The following NT5DC1 variants were observed in gnomAD, a reference collection of about 807,000 sequenced individuals.
NT5DC1 encodes 5'-nucleotidase domain-containing protein 1.
Under a neutral mutation model 59.4 loss-of-function variants are expected in NT5DC1, and 42 were observed. That is an observed-to-expected ratio of 0.71 (90% confidence interval 0.55 to 0.92). NT5DC1 has a LOEUF of 0.92. Among genes scored for constraint, NT5DC1 ranks in the 40% least tolerant of loss-of-function variants. NT5DC1 has a pLI of 0.00. For synonymous variants in NT5DC1, 172 were observed against 188.1 expected (o/e 0.91, Z 0.70); for missense variants, 501 against 537.1 (o/e 0.93, Z 0.66).
chr6:116,225,491 G>A (rs183078056), intron 8 of NT5DC1, among the ~76,000 whole-genome samples: 14 of 152,288 alleles, frequency 9.2e-5, no homozygotes, highest in Admixed American at 2.0e-4. Flanking sequence ...AGTAGAATAC[G>A]TGTTCAGAAG....
At chr6:116,164,469 G>C (rs1291575773) in intron 6 of NT5DC1, among the ~76,000 whole-genome samples, 1 of 152,022 alleles carries the variant, frequency 6.6e-6, no homozygotes, top group Non-Finnish European at 1.5e-5. Context: ...CTTTGAGCTT[G>C]TGTATGTCTT....
chr6:116,192,791 T>C (rs1204834), intron 6 of NT5DC1, among the ~76,000 whole-genome samples: 1 of 151,776 alleles, frequency 6.6e-6, no homozygotes, highest in East Asian at 1.9e-4. Context: ...TCTATTACGA[T>C]TTCCTCCTGG....
At chr6:116,141,732 A>G (rs1779767094) in intron 6 of NT5DC1, among the ~76,000 whole-genome samples, 1 of 151,608 alleles carries the variant, frequency 6.6e-6, no homozygotes, top group African/African-American at 2.4e-5. Flanking sequence ...TTATGTGATA[A>G]TAACTAGTGC....
intron 9 of NT5DC1, 53 bp downstream of exon 9, chr6:116,237,137 T>A (rs1053046496): frequency 2.1e-6 from 2 of 961,392 alleles, no homozygotes. Flanking sequence ...ACATAAGCAG[T>A]TGTGAACTGC....
intron 6 of NT5DC1, among the ~76,000 whole-genome samples, chr6:116,124,530 A>G (rs183072254): frequency 3.0e-4 from 45 of 152,356 alleles, no homozygotes; most frequent in Non-Finnish European, 5.4e-4. Flanking sequence ...ATTGAAGGCT[A>G]TATTAGTAGC....
chr6:116,119,666 A>G (rs1779045832), intron 6 of NT5DC1: 1 of 179,376 alleles, frequency 5.6e-6, no homozygotes, highest in Non-Finnish European at 1.2e-5. Context: ...TCATATTCAT[A>G]GTTAGAAACA....
At chr6:116,191,955 G>T (rs551854487) in intron 6 of NT5DC1, among the ~76,000 whole-genome samples, 2 of 151,964 alleles carry the variant, frequency 1.3e-5, no homozygotes, top group Admixed American at 6.6e-5. Flanking sequence ...TGATTTTTTG[G>T]ACAGAACAAA....
chr6:116,200,496 G>A (rs1781325279), intron 6 of NT5DC1, among the ~76,000 whole-genome samples: 1 of 151,894 alleles, frequency 6.6e-6, no homozygotes, highest in Admixed American at 6.6e-5. Flanking sequence ...GAGGTGTATG[G>A]GAACTCTGGA....
At chr6:116,202,197 A>G (rs554524915) in intron 6 of NT5DC1, among the ~76,000 whole-genome samples, 160 of 152,140 alleles carry the variant, frequency 1.1e-3, no homozygotes, top group African/African-American at 3.7e-3. Context: ...CATGTGATGC[A>G]GGCTCCCCTA....
chr6:116,159,148 G>A (rs751325622), intron 6 of NT5DC1, among the ~76,000 whole-genome samples: 1 of 151,914 alleles, frequency 6.6e-6, no homozygotes, highest in Non-Finnish European at 1.5e-5. Flanking sequence ...CATTGCTCTG[G>A]GATCAATGTT....
chr6:116,207,781 GTC>G (rs1164456191), intron 6 of NT5DC1, among the ~76,000 whole-genome samples: 4 of 151,926 alleles, frequency 2.6e-5, no homozygotes, highest in Admixed American at 2.6e-4. Context: ...TTCTACCTGA[GTC>G]TCTGCCCACT....
At chr6:116,107,715 G>GGCGCCCGCCACT (rs1379071102) in intron 2 of NT5DC1, among the ~76,000 whole-genome samples, 9 of 151,508 alleles carry the variant, frequency 5.9e-5, no homozygotes, top group Non-Finnish European at 1.2e-4. Flanking sequence ...TGGGACTACA[G>GGCGCCCGCCACT]GCGCCCGCCA....
chr6:116,227,713 A>C (rs1338946607), intron 8 of NT5DC1, among the ~76,000 whole-genome samples: 1 of 151,764 alleles, frequency 6.6e-6, no homozygotes, highest in African/African-American at 2.4e-5. Flanking sequence ...CCCAATGCTT[A>C]GTGATGTTGA....
At position 116,185,130 on chromosome 6, in the gene NT5DC1, T is replaced by C. The variant is rs947030947; in HGVS notation, c.530-35924T>C. Among the ~76,000 whole-genome samples the C allele has an allele frequency of 8.4e-4, 128 of 152,144 alleles. 4 individuals are homozygous for C. Among genetic ancestry groups the C allele is most frequent in the Admixed American group, 8.3e-3 (126 of 15,256 alleles). Reference sequence around the variant, plus strand: ...GAGTTCATTGTTGATCCAAAGATCATTCAGGAGCAAGTTATTTAATTTCCA... The same window carrying C: ...GAGTTCATTGTTGATCCAAAGATCACTCAGGAGCAAGTTATTTAATTTCCA... On this transcript the variant is annotated intron_variant, in intron 6 of 11. Transcript: ENST00000319550.
rs536138606 is a variant in NT5DC1, at chr6:116,197,457, A to T, written c.530-23597A>T. ...ACTGGGAAGAATCTTCCCGGTCAAG[A>T]ATCAACATTCTTGACCTTCACCACC... On this transcript the variant is annotated intron_variant, in intron 6 of 11. Transcript: ENST00000319550. Among the ~76,000 whole-genome samples, 3 of 152,156 alleles carry T rather than the reference A, an allele frequency of 2.0e-5. No individual in the cohort carries two copies. In the East Asian group the frequency reaches 5.8e-4, roughly 30 times the overall value.
intron 6 of NT5DC1, among the ~76,000 whole-genome samples, chr6:116,143,192 T>G (rs1779808634): frequency 6.6e-6 from 1 of 152,058 alleles, no homozygotes. Flanking sequence ...GAGATAGTAC[T>G]ACATTTTCTC....
At chr6:116,111,065 C>T in intron 4 of NT5DC1, 109 bp downstream of exon 4, 4 of 701,992 alleles carry the variant, frequency 5.7e-6, no homozygotes, top group Non-Finnish European at 9.8e-6. Flanking sequence ...GGGCAGGATG[C>T]CAAAGGGAGC....
intron 6 of NT5DC1, among the ~76,000 whole-genome samples, chr6:116,173,867 T>G (rs1471037509): frequency 6.6e-6 from 1 of 152,146 alleles, no homozygotes; most frequent in Non-Finnish European, 1.5e-5. Flanking sequence ...AAGACTTCAT[T>G]TAGCTTCTAC....
In NT5DC1 at chr6:116,115,715, A is replaced by G. The variant is rs759189573; in HGVS notation, c.389A>G (p.Tyr130Cys). 1 of 1,601,414 alleles carries G rather than the reference A, an allele frequency of 6.2e-7. No individual in the cohort carries two copies. Among genetic ancestry groups the G allele is most frequent in the East Asian group, 2.2e-5 (1 of 44,758 alleles). ...GGAAAGTATTACTTTTACGACAACT[A>G]CTTTGACCTGCCAGGAGCTCTTCTG... ...RSGKYYFYDN[Y>C]FDLPGALLCA... Residue 130 changes from tyrosine (Y) to cysteine (C), a missense_variant, in exon 5 of 12, where the codon TAC becomes TGC. Physicochemically the swap from Tyr to Cys is radical, Grantham distance 194. Coordinates refer to ENST00000319550, the MANE Select transcript of NT5DC1 (RefSeq NM_152729.3).
Sources: allele counts gnomAD v4.1 joint callset (sites outside exome capture counted in the v4.1 genomes callset), GRCh38; gene constraint gnomAD v4.1.1; transcripts MANE v1.5; gene names NCBI Gene and HGNC (gene_info 2026-07-23, HGNC 2026-07-21).